The following ENTPD6 variants were observed in gnomAD, a reference collection of about 807,000 sequenced individuals.
ENTPD6 encodes ectonucleoside triphosphate diphosphohydrolase 6, also known as CD39 antigen-like 2.
Under a neutral mutation model 61.5 loss-of-function variants are expected in ENTPD6, and 46 were observed. The observed-to-expected ratio is 0.75, with a 90% CI of 0.59 to 0.96. The LOEUF (loss-of-function observed/expected upper bound fraction) is 0.96, where lower values mean the gene tolerates loss of function less well. Among genes scored for constraint, ENTPD6 ranks in the 40% least tolerant of loss-of-function variants. The pLI, the probability that ENTPD6 is intolerant of heterozygous loss-of-function variation, is 0.00. For missense variants in ENTPD6, 612 were observed against 629.0 expected (o/e 0.97, Z 0.29); for synonymous variants, 252 against 255.5 (o/e 0.99, Z 0.13).
intron 3 of ENTPD6, among the ~76,000 whole-genome samples, chr20:25,209,177 T>G (rs1353779431): frequency 6.6e-6 from 1 of 151,644 alleles, no homozygotes; most frequent in East Asian, 1.9e-4. Context: ...TGGTGCAATC[T>G]CCGCTCACTG....
chr20:25,222,572 C>G lies in ENTPD6; in HGVS notation c.1046-266C>G, dbSNP rs534923180. 1.2e-5 allele frequency: 5 copies of G among 404,934 alleles called. No homozygotes were observed. The South Asian group carries it at 1.4e-4, about 12-fold the overall frequency. The allele number at this position is 404,934 out of a possible 1,614,324, so 25.1% of individuals were successfully genotyped here. ...CACTGGTGTCAGGCATCAGCAGCTT[C>G]CTCCTCAGAGTCCAGGTCTGCCGCT... is the stretch of plus-strand genomic sequence containing the variant. On this transcript the variant is annotated intron_variant, in intron 11 of 14. Coordinates refer to ENST00000376652, the MANE Select transcript of ENTPD6 (RefSeq NM_001247.5).
At chr20:25,205,026 A>G (rs1016499892) in intron 1 of ENTPD6, among the ~76,000 whole-genome samples, 10 of 151,874 alleles carry the variant, frequency 6.6e-5, no homozygotes, top group African/African-American at 2.2e-4. Context: ...CTCCCTGTTT[A>G]TGGATTTTCT....
intron 7 of ENTPD6, 92 bp downstream of exon 7, chr20:25,215,803 C>A: frequency 1.5e-6 from 2 of 1,335,644 alleles, no homozygotes; most frequent in Non-Finnish European, 1.1e-6. Flanking sequence ...CTCATTTCTG[C>A]TCTTTAAGAT....
intron 1 of ENTPD6, among the ~76,000 whole-genome samples, chr20:25,202,606 A>G (rs1294907972): frequency 1.3e-5 from 2 of 152,238 alleles, no homozygotes; most frequent in Non-Finnish European, 2.9e-5. Flanking sequence ...CTGAAGTTAT[A>G]GCAATCTATT....
chr20:25,207,310 G>A lies in ENTPD6; in HGVS notation c.289G>A (p.Gly97Arg), dbSNP rs1354930689. Residue 97 changes from glycine to arginine, a missense_variant, in exon 3 of 15, where the codon GGG becomes AGG. Coordinates refer to ENST00000376652, the MANE Select transcript of ENTPD6 (RefSeq NM_001247.5). ...AHSPLGTAAD[G>R]HEVFYGIMFD... ...CAGCCCCCTGGGGACAGCTGCAGAC[G>A]GGCACGAGGTCTTCTACGGGATCAT... 6.2e-6 allele frequency: 10 copies of A among 1,603,478 alleles called. No homozygotes were observed. The highest frequency in any genetic ancestry group is 2.2e-5 in the South Asian group (2 of 90,640).
At chr20:25,200,230 C>T (rs2090924323) in intron 1 of ENTPD6, among the ~76,000 whole-genome samples, 1 of 152,178 alleles carries the variant, frequency 6.6e-6, no homozygotes, top group African/African-American at 2.4e-5. Flanking sequence ...GATGTTGAGC[C>T]TCTTTTTGTA....
chr20:25,217,054 G>A (rs906296990), intron 8 of ENTPD6, among the ~76,000 whole-genome samples: 6 of 152,200 alleles, frequency 3.9e-5, no homozygotes, highest in South Asian at 2.1e-4. Flanking sequence ...TCAGGGTTCC[G>A]AAAGGAACAA....
intron 10 of ENTPD6, among the ~76,000 whole-genome samples, chr20:25,221,003 C>T (rs143238411): frequency 2.6e-4 from 40 of 152,332 alleles, no homozygotes; most frequent in Middle Eastern, 3.4e-3. Context: ...GCCTGGCACC[C>T]GGCGTGCCCA....
intron 7 of ENTPD6, among the ~76,000 whole-genome samples, 195 bp from the exon 8 acceptor site, chr20:25,216,453 A>G (rs1327704182): frequency 1.3e-5 from 2 of 152,152 alleles, no homozygotes; most frequent in South Asian, 2.1e-4. Flanking sequence ...TCAGGATCCA[A>G]ATTAAACCAC....
intron 1 of ENTPD6, chr20:25,196,269 C>G (rs548176507): frequency 9.5e-7 from 1 of 1,047,770 alleles, no homozygotes; most frequent in Non-Finnish European, 1.2e-6. Context: ...GATCAGGCCG[C>G]TCGGACAGGA....
intron 9 of ENTPD6, 31 bp from the exon 10 acceptor site, chr20:25,218,519 A>G (rs766941714): frequency 6.3e-7 from 1 of 1,583,726 alleles, no homozygotes; most frequent in Admixed American, 1.8e-5. Context: ...CTGCCATGGC[A>G]GCTGCCCTCA....
chr20:25,214,837 G>A, intron 5 of ENTPD6, 30 bp from the exon 6 acceptor site: 7 of 1,217,144 alleles, frequency 5.8e-6, no homozygotes, highest in Non-Finnish European at 8.6e-6. Context: ...TCATTCTAAA[G>A]GATGAAGTAA....
intron 1 of ENTPD6, among the ~76,000 whole-genome samples, chr20:25,205,403 C>T (rs957771530): frequency 6.6e-6 from 1 of 152,084 alleles, no homozygotes; most frequent in Non-Finnish European, 1.5e-5. Flanking sequence ...CAGTCTGTGC[C>T]AGGGGCCTGA....
chr20:25,215,542 T>A, intron 6 of ENTPD6, 134 bp from the exon 7 acceptor site: 1 of 838,472 alleles, frequency 1.2e-6, no homozygotes, highest in Non-Finnish European at 2.0e-6. Flanking sequence ...CTGCCGATGA[T>A]CTGAAGGCTG....
intron 2 of ENTPD6, 151 bp downstream of exon 2, chr20:25,206,741 T>C: frequency 1.4e-6 from 1 of 697,642 alleles, no homozygotes; most frequent in South Asian, 1.8e-5. Context: ...ACCATTTACA[T>C]GTGGCTTCTT....
intron 8 of ENTPD6, among the ~76,000 whole-genome samples, 182 bp from the exon 9 acceptor site, chr20:25,217,320 C>G (rs928966295): frequency 6.6e-6 from 1 of 152,102 alleles, no homozygotes; most frequent in East Asian, 1.9e-4. Flanking sequence ...AACGAAGCAC[C>G]GTTCTTCACT....
chr20:25,214,892 CTTTCCTTG>C lies in ENTPD6; in HGVS notation c.625_632del (p.Phe209ArgfsTer3), dbSNP rs1319397261. On this transcript the variant is annotated frameshift_variant, in exon 6 of 15. Coordinates refer to ENST00000376652, the MANE Select transcript of ENTPD6 (RefSeq NM_001247.5). LOFTEE classifies it high-confidence loss of function. ...GTGAAAAAAGTATTTAAAGCATCGC[CTTTCCTTG>C]TAGGGGATGACTGTGTTTCCATCAT... is the stretch of plus-strand genomic sequence containing the variant. 2 of 1,601,988 alleles carry C rather than the reference CTTTCCTTG, an allele frequency of 1.2e-6. No homozygotes were observed. The highest frequency in any genetic ancestry group is 2.7e-5 in the African/African-American group (2 of 74,608).
At chr20:25,216,792 G>A (rs1002505381) in intron 8 of ENTPD6, 56 bp downstream of exon 8, 5 of 1,429,426 alleles carry the variant, frequency 3.5e-6, no homozygotes, top group Non-Finnish European at 4.8e-6. Context: ...CACCGCCATG[G>A]GGGTGCAGGG....
At chr20:25,197,694 A>G (rs1483947392) in intron 1 of ENTPD6, among the ~76,000 whole-genome samples, 1 of 152,204 alleles carries the variant, frequency 6.6e-6, no homozygotes, top group Non-Finnish European at 1.5e-5. Context: ...GATGGTGAAC[A>G]TGATTATAAG....
Sources: gnomAD v4.1 joint callset for allele counts (sites outside exome capture counted in the v4.1 genomes callset) on GRCh38, gnomAD v4.1.1 for gene constraint, MANE v1.5 for transcripts, NCBI Gene and HGNC (gene_info 2026-07-23, HGNC 2026-07-21) for gene names.